Variants in TENM1 observed in about 807,000 individuals in gnomAD.
The protein encoded by TENM1 is teneurin-1.
A neutral mutation model predicts 174.8 loss-of-function variants in TENM1; 35 were observed. The observed-to-expected ratio is 0.20, with a 90% CI of 0.15 to 0.27. The LOEUF is 0.27. Ranked by LOEUF, TENM1 falls within the 10% of genes least tolerant of loss-of-function variation. The pLI, the probability that TENM1 is intolerant of heterozygous loss-of-function variation, is 1.00. For missense variants in TENM1, 1,633 were observed against 2,130.1 expected, an observed-to-expected ratio of 0.77 and a Z score of 4.59; for synonymous variants, 781 against 798.7, an observed-to-expected ratio of 0.98 and a Z score of 0.37.
At chrX:125,040,438 C>G in the TENM1 span, among the ~76,000 whole-genome samples, 4 of 111,095 alleles carry the variant, frequency 3.6e-5, no homozygotes, top group Admixed American at 3.8e-4. Context: ...AACTGAAACT[C>G]TATGGAAGTT....
intron 5 of TENM1, 23 bp from the exon 9 acceptor site, chrX:124,671,858 T>C: frequency 8.3e-7 from 1 of 1,204,742 alleles, no homozygotes. Flanking sequence ...AAGCCATACA[T>C]TAATTTATTC....
intron 3 of TENM1, among the ~76,000 whole-genome samples, chrX:124,879,292 C>T (rs1464039007): frequency 2.7e-5 from 3 of 112,023 alleles, no homozygotes; most frequent in Non-Finnish European, 3.8e-5. Flanking sequence ...ATCTCCTTCC[C>T]ATCCTCTGGT....
chrX:125,068,202 A>G, the TENM1 span, among the ~76,000 whole-genome samples: 4 of 111,625 alleles, frequency 3.6e-5, no homozygotes, highest in Non-Finnish European at 7.5e-5. Context: ...CCTAAAATGA[A>G]TGGTGCTATC....
At chrX:124,833,472 T>G (rs1184517002) in intron 3 of TENM1, among the ~76,000 whole-genome samples, 1 of 111,784 alleles carries the variant, frequency 8.9e-6, no homozygotes, top group Non-Finnish European at 1.9e-5. Flanking sequence ...CATATTTTAT[T>G]ACATTACTTG....
intron 3 of TENM1, among the ~76,000 whole-genome samples, chrX:124,851,791 AAGTG>A (rs1216508460): frequency 1.8e-5 from 2 of 111,578 alleles, no homozygotes; most frequent in African/African-American, 6.5e-5. Flanking sequence ...TCTTTTAAGT[AAGTG>A]TGCTATCTCC....
At chrX:125,190,876 T>C in the TENM1 span, among the ~76,000 whole-genome samples, 1 of 111,722 alleles carries the variant, frequency 9.0e-6, no homozygotes, top group Non-Finnish European at 1.9e-5. Flanking sequence ...TTTAGCACTT[T>C]TGCATATCTT....
chrX:124,821,126 C>T (rs759889601), intron 3 of TENM1, among the ~76,000 whole-genome samples: 6 of 112,113 alleles, frequency 5.4e-5, no homozygotes, highest in Non-Finnish European at 9.4e-5. Flanking sequence ...AAATACTTCC[C>T]TTGTCATTTA....
At chrX:124,394,595 C>T (rs2060314693) in intron 27 of TENM1, among the ~76,000 whole-genome samples, 1 of 111,897 alleles carries the variant, frequency 8.9e-6, no homozygotes, top group African/African-American at 3.2e-5. Context: ...AAAGAGATAA[C>T]TTTTTCATGG....
chrX:124,599,201 A>G (rs1381805393), intron 11 of TENM1, among the ~76,000 whole-genome samples: 1 of 111,637 alleles, frequency 9.0e-6, no homozygotes, highest in African/African-American at 3.3e-5. Context: ...GTGACTGATC[A>G]GATAAAGAGT....
intron 25 of TENM1, among the ~76,000 whole-genome samples, chrX:124,409,192 G>A (rs2060501215): frequency 1.8e-5 from 2 of 110,461 alleles, no homozygotes; most frequent in South Asian, 8.0e-4. Flanking sequence ...CCCAGTAATG[G>A]GATGGCTGGG....
At chrX:124,654,875 A>G (rs2051400911) in intron 6 of TENM1, among the ~76,000 whole-genome samples, 1 of 111,408 alleles carries the variant, frequency 9.0e-6, no homozygotes, top group Non-Finnish European at 1.9e-5. Context: ...TGACATGAAG[A>G]TCTAAATTTA....
intron 11 of TENM1, among the ~76,000 whole-genome samples, chrX:124,606,131 G>A (rs1431991781): frequency 9.0e-6 from 1 of 111,259 alleles, no homozygotes; most frequent in Non-Finnish European, 1.9e-5. Flanking sequence ...CAGAGTGCCT[G>A]CTTGGGATCC....
At chrX:124,887,089 C>T (rs777194596) in intron 3 of TENM1, among the ~76,000 whole-genome samples, 74 of 110,431 alleles carry the variant, frequency 6.7e-4, no homozygotes, top group African/African-American at 2.4e-3. Flanking sequence ...ACATTAAATG[C>T]ATATATTTTC....
rs1190610333 is a variant in TENM1 at position 124,932,105 on chromosome X, G to C, written c.217+31432C>G. Among the ~76,000 whole-genome samples the C allele has an allele frequency of 5.4e-5, 6 of 111,716 alleles. No homozygotes were observed. In the Admixed American group the frequency reaches 5.7e-4, roughly 11 times the overall value. ...CCAATGAGAATAAATCAGACCAAAAGGGCAAGATAGCTCTGTAGCAGATTA... is the reference window on the plus strand; with the variant it reads ...CCAATGAGAATAAATCAGACCAAAACGGCAAGATAGCTCTGTAGCAGATTA... On this transcript the variant is annotated intron_variant, in intron 1 of 31. Coordinates refer to ENST00000422452, the Ensembl canonical transcript of TENM1.
intron 11 of TENM1, among the ~76,000 whole-genome samples, chrX:124,587,469 G>A (rs902563318): frequency 1.0e-4 from 11 of 110,162 alleles, no homozygotes; most frequent in Non-Finnish European, 2.1e-4. Context: ...ATGGTGCTGG[G>A]AAAACTGGCT....
the TENM1 span, among the ~76,000 whole-genome samples, chrX:124,988,455 C>G: frequency 8.9e-6 from 1 of 111,830 alleles, no homozygotes; most frequent in African/African-American, 3.2e-5. Flanking sequence ...AACTTTTGAA[C>G]TAGAGAATTT....
chrX:124,830,972 T>C (rs960813823), intron 3 of TENM1, among the ~76,000 whole-genome samples: 1 of 111,770 alleles, frequency 8.9e-6, no homozygotes, highest in African/African-American at 3.3e-5. Context: ...TTTTAGCTCC[T>C]GGGGGTAATG....
At chrX:124,550,229 T>C (rs2048529876) in intron 14 of TENM1, among the ~76,000 whole-genome samples, 1 of 111,491 alleles carries the variant, frequency 9.0e-6, no homozygotes, top group African/African-American at 3.3e-5. Flanking sequence ...GCCTACTAAT[T>C]GTATGCCCTT....
chrX:124,821,612 A>C (rs963584714), intron 3 of TENM1, among the ~76,000 whole-genome samples: 3 of 112,364 alleles, frequency 2.7e-5, no homozygotes, highest in South Asian at 3.7e-4. Context: ...CCGTTCAACC[A>C]ATCTTCCCTT....
Sources: allele counts gnomAD v4.1 joint callset (sites outside exome capture counted in the v4.1 genomes callset), GRCh38; gene constraint gnomAD v4.1.1; transcripts MANE v1.5; gene names NCBI Gene and HGNC (gene_info 2026-07-23, HGNC 2026-07-21).